Variants in A2ML1 observed in about 807,000 individuals in gnomAD.
The protein encoded by A2ML1 is alpha-2-macroglobulin like 1.
In A2ML1, 161 loss-of-function variants were observed where a neutral mutation model predicts 181.9. The ratio of observed to expected loss-of-function variants is 0.89; its 90% confidence interval spans 0.78 to 1.01. The LOEUF (loss-of-function observed/expected upper bound fraction) is 1.01. Among genes scored for constraint, A2ML1 ranks in the 50% least tolerant of loss-of-function variants. The pLI is 0.00. For missense variants in A2ML1, 1,670 were observed against 1,768.1 expected, an observed-to-expected ratio of 0.94 and a Z score of 1.00; for synonymous variants, 663 against 666.8, an observed-to-expected ratio of 0.99 and a Z score of 0.09.
chr12:8,835,473 G>C, intron 5 of A2ML1, 34 bp from the exon 6 acceptor site: 2 of 1,611,694 alleles, frequency 1.2e-6, no homozygotes, highest in Non-Finnish European at 1.7e-6. Context: ...GAAGCAAACG[G>C]GCAGGCACAT....
At position 8,849,730 on chromosome 12, in the gene A2ML1, G is replaced by T. The variant is rs750303714; in HGVS notation, c.2090G>T (p.Arg697Ile). The part of the protein sequence containing the change: ...KIKKPVDCSH[R>I]SPEYSTAMGA... ...AAGAAGCCAGTAGATTGCAGTCACA[G>T]ATCTCCAGAATACAGCACTGCTATG... The change falls in exon 17 of 36, where the codon AGA becomes ATA. Residue 697 changes from arginine (R) to isoleucine (I), a missense_variant. By Grantham distance (97) the Arg-to-Ile change is moderately conservative. Transcript: ENST00000299698. The T allele has an allele frequency of 6.2e-7, 1 of 1,614,196 alleles. No individual in the cohort carries two copies. The highest frequency in any genetic ancestry group is 2.2e-5 in the East Asian group (1 of 44,880).
chr12:8,854,934 G>C, intron 22 of A2ML1, 103 bp downstream of exon 22: 1 of 1,288,294 alleles, frequency 7.8e-7, no homozygotes, highest in African/African-American at 1.5e-5. Context: ...TCGCTCCGTC[G>C]TCCAGGCTGG....
At chr12:8,854,625 C>T (rs758545209) in intron 21 of A2ML1, among the ~76,000 whole-genome samples, 155 bp from the exon 22 acceptor site, 4 of 120,156 alleles carry the variant, frequency 3.3e-5, no homozygotes, top group Non-Finnish European at 5.5e-5. Flanking sequence ...CTTGGGTTGA[C>T]GCAGAGTTCT....
intron 23 of A2ML1, 121 bp from the exon 24 acceptor site, chr12:8,857,043 G>T: frequency 9.9e-7 from 1 of 1,006,946 alleles, no homozygotes; most frequent in Non-Finnish European, 1.4e-6. Flanking sequence ...ACCACGCCCG[G>T]CCCATAGTAG....
In A2ML1 at chr12:8,846,058, A is replaced by T. The variant is rs1156964809; in HGVS notation, c.1538-19A>T. 1 of 1,613,798 alleles carries T rather than the reference A, an allele frequency of 6.2e-7. No individual in the cohort carries two copies. Among genetic ancestry groups the T allele is most frequent in the East Asian group, 2.2e-5 (1 of 44,864 alleles). On this transcript the variant is annotated intron_variant, in intron 13 of 35. Transcript: ENST00000299698. ...AATGTGCATTCTGATTTTCCTGTAT[A>T]TTCCCTCTTCTCTTTCAGGACTGAA...
intron 9 of A2ML1, among the ~76,000 whole-genome samples, 189 bp from the exon 10 acceptor site, chr12:8,838,914 TAAAAAAAAAA>T (rs11314317): frequency 9.0e-6 from 1 of 110,704 alleles, no homozygotes; most frequent in Non-Finnish European, 1.9e-5. Flanking sequence ...GACTCCATCT[TAAAAAAAAAA>T]AAAAAAAAAA....
chr12:8,841,282 G>A (rs755719412), intron 10 of A2ML1, 87 bp from the exon 11 acceptor site: 78 of 1,289,662 alleles, frequency 6.0e-5, no homozygotes, highest in Admixed American at 4.4e-4. Context: ...ACCACAATTA[G>A]TTTGCACCAA....
At chr12:8,857,861 G>A in intron 25 of A2ML1, 85 bp from the exon 26 acceptor site, 1 of 1,549,556 alleles carries the variant, frequency 6.5e-7, no homozygotes, top group Non-Finnish European at 8.8e-7. Flanking sequence ...CCTTCTGGAA[G>A]TATACACCCA....
chr12:8,847,503 T>G, intron 14 of A2ML1, 46 bp from the exon 15 acceptor site: 2 of 1,550,264 alleles, frequency 1.3e-6, no homozygotes, highest in African/African-American at 2.8e-5. Flanking sequence ...TTTCCCTTCC[T>G]TTCCAGGCTG....
chr12:8,861,984 T>C (rs1944283234), intron 28 of A2ML1, among the ~76,000 whole-genome samples: 1 of 151,868 alleles, frequency 6.6e-6, no homozygotes, highest in Non-Finnish European at 1.5e-5. Context: ...GGTCTCGAAT[T>C]CTTGACCTCA....
chr12:8,835,900 C>T (rs1943255770), intron 6 of A2ML1, among the ~76,000 whole-genome samples: 1 of 151,466 alleles, frequency 6.6e-6, no homozygotes. Context: ...GTAGTCTCAG[C>T]TACTCGGGAG....
At chr12:8,836,881 A>G (rs74969756) in intron 7 of A2ML1, among the ~76,000 whole-genome samples, 2,829 of 152,300 alleles carry the variant, frequency 0.019, 89 homozygotes, top group African/African-American at 0.062. Context: ...ATTGAATCCC[A>G]TAGATAAATA....
At chr12:8,848,595 A>T in intron 15 of A2ML1, 125 bp from the exon 16 acceptor site, 1 of 723,982 alleles carries the variant, frequency 1.4e-6, no homozygotes, top group East Asian at 3.0e-5. Flanking sequence ...TGAATATAAA[A>T]ATAATTCTGA....
At chr12:8,875,330 G>A (rs771664468) in intron 35 of A2ML1, 66 of 227,548 alleles carry the variant, frequency 2.9e-4, no homozygotes, top group Non-Finnish European at 4.8e-4. Context: ...TGCCCACCTC[G>A]GCCTCCCAAA....
rs112238175 is a variant in A2ML1 at position 8,852,452 on chromosome 12, T to C, written c.2590+116T>C. The C allele has an allele frequency of 1.4e-3, 2,045 of 1,459,650 alleles. 30 individuals carry two copies. In the African/African-American group the frequency reaches 0.025, roughly 18 times the overall value. The allele number at this position is 1,459,650 out of a possible 1,614,324, so 90.4% of individuals were successfully genotyped here. On this transcript the variant is annotated intron_variant, in intron 20 of 35. Transcript: ENST00000299698. This position sits in a 1 kb window ranked among gnomAD's most constrained non-coding sequence, Gnocchi z 4.2. ...TTGCTTCCTCCTCCATTTTCCACTA[T>C]TTTTCTCCCTCCTAAGGCTGTTATA...
In A2ML1 at chr12:8,852,034, A is replaced by C; in HGVS notation, c.2463+22A>C. ...CAGGGTGAGAGCTGGGGATACAGGA[A>C]TCAGGTGTCAGCCCTGGAATCACAC... On this transcript the variant is annotated intron_variant, in intron 19 of 35. Coordinates refer to ENST00000299698, the MANE Select transcript of A2ML1 (RefSeq NM_144670.6). The surrounding 1 kb of genome is among the most constrained non-coding windows in gnomAD (Gnocchi z 4.2). 1.2e-6 allele frequency: 2 copies of C among 1,610,178 alleles called. No homozygotes were observed. Among genetic ancestry groups the C allele is most frequent in the Non-Finnish European group, 1.7e-6 (2 of 1,176,454 alleles).
intron 33 of A2ML1, among the ~76,000 whole-genome samples, chr12:8,874,197 G>A (rs192873990): frequency 9.2e-5 from 14 of 151,864 alleles, no homozygotes; most frequent in African/African-American, 3.1e-4. Flanking sequence ...TGTATTTTTA[G>A]TAGAGATGGG....
At chr12:8,829,255 G>T (rs1317660957) in intron 3 of A2ML1, among the ~76,000 whole-genome samples, 1 of 152,162 alleles carries the variant, frequency 6.6e-6, no homozygotes. Flanking sequence ...TGAGCTCCAG[G>T]CCTGTGTTTG....
chr12:8,868,965 G>A (rs1406623190), intron 32 of A2ML1, among the ~76,000 whole-genome samples, 170 bp from the exon 33 acceptor site: 1 of 151,990 alleles, frequency 6.6e-6, no homozygotes, highest in Non-Finnish European at 1.5e-5. Context: ...ATTTAAATGG[G>A]CTGCAAGGTT....
Sources: allele counts gnomAD v4.1 joint callset (sites outside exome capture counted in the v4.1 genomes callset), GRCh38; gene constraint gnomAD v4.1.1; non-coding constraint Gnocchi (gnomAD v3.1); transcripts MANE v1.5; gene names NCBI Gene and HGNC (gene_info 2026-07-23, HGNC 2026-07-21).